Variants in MRGBP observed in about 807,000 individuals in gnomAD.
MRGBP encodes the protein MRG/MORF4L-binding protein.
Under a neutral mutation model 21.5 loss-of-function variants are expected in MRGBP, and 5 were observed. The observed-to-expected ratio is 0.23, with a 90% confidence interval of 0.12 to 0.49. The LOEUF (loss-of-function observed/expected upper bound fraction) is 0.49, where lower values mean the gene tolerates loss of function less well. Ranked by LOEUF, MRGBP falls within the 20% of genes least tolerant of loss-of-function variation. The pLI, the probability that MRGBP is intolerant of heterozygous loss-of-function variation, is 0.98. For synonymous variants in MRGBP, 118 were observed against 104.4 expected, an observed-to-expected ratio of 1.13 and a Z score of -0.79; for missense variants, 227 against 277.4, an observed-to-expected ratio of 0.82 and a Z score of 1.29.
intron 1 of MRGBP, 46 bp downstream of exon 1, chr20:62,796,717 C>CGGCGGGGCGG: frequency 8.1e-7 from 1 of 1,235,594 alleles, no homozygotes; most frequent in Non-Finnish European, 1.0e-6. Context: ...GGCGGGCAAC[C>CGGCGGGGCGG]GGCGGGGCGG....
At position 62,796,618 on chromosome 20, in the gene MRGBP, G is replaced by A. The variant is rs867300828; in HGVS notation, c.95G>A (p.Ser32Asn). Residue 32 changes from serine to asparagine, a missense_variant, in exon 1 of 5, where the codon AGC becomes AAC. Ser to Asn is a conservative substitution (Grantham distance 46). Transcript: ENST00000370487. ...CCGGCGGAGGAGACAGTGGTGTGGA[G>A]CCCCGAGGTGGAGGTGTGCCTCTTC... ...TSPAEETVVW[S>N]PEVEVCLFHA... The A allele has an allele frequency of 8.1e-5, 108 of 1,331,508 alleles. No homozygotes were observed. The highest frequency in any genetic ancestry group is 1.0e-4 in the Non-Finnish European group (107 of 1,037,870). The allele number at this position is 1,331,508 out of a possible 1,614,324, so 82.5% of individuals were successfully genotyped here.
chr20:62,798,514 C>G, intron 2 of MRGBP, 73 bp from the exon 3 acceptor site: 1 of 1,344,874 alleles, frequency 7.4e-7, no homozygotes, highest in South Asian at 1.2e-5. Context: ...GTGGCTCTTA[C>G]ACGGCTCTAG....
chr20:62,797,291 CTG>C lies in MRGBP; in HGVS notation c.270+61_270+62del, dbSNP rs1457048679. On this transcript the variant is annotated intron_variant, in intron 2 of 4. Coordinates refer to ENST00000370487, the MANE Select transcript of MRGBP (RefSeq NM_018270.6). Reference sequence around the variant, plus strand: ...GGGGCACGAACCCGCACACCGCTCTCTGAGAGTCAGCCTGAGCTGGGCAGAGG... The same window carrying C: ...GGGGCACGAACCCGCACACCGCTCTCAGAGTCAGCCTGAGCTGGGCAGAGG... 4.7e-6 allele frequency: 7 copies of C among 1,490,180 alleles called. No individual in the cohort carries two copies. In the South Asian group the frequency reaches 8.2e-5, roughly 17 times the overall value. 92.3% of individuals were successfully genotyped at this position (1,490,180 alleles called of 1,614,324 possible).
Position 62,797,235 on chromosome 20 carries a change from AGCCCAACC to A in MRGBP, c.270+9_270+16del. On this transcript the variant is annotated splice_donor_5th_base_variant and intron_variant, in intron 2 of 4. Coordinates refer to ENST00000370487, the MANE Select transcript of MRGBP (RefSeq NM_018270.6). The stretch of plus-strand genomic sequence containing the variant: ...CATGTACGACATGCAGGCGCTGGTG[AGCCCAACC>A]GCCCTCCCTGTGCCGCCCGATGGGG... The A allele has an allele frequency of 6.3e-7, 1 of 1,575,022 alleles. No individual in the cohort carries two copies. The highest frequency in any genetic ancestry group is 8.6e-7 in the Non-Finnish European group (1 of 1,161,094).
chr20:62,798,806 G>A, intron 3 of MRGBP, 138 bp downstream of exon 3: 1 of 1,574,830 alleles, frequency 6.3e-7, no homozygotes, highest in Non-Finnish European at 8.6e-7. Flanking sequence ...CTGTGCTTGG[G>A]TGGTCTTGGA....
chr20:62,799,098 C>G, intron 4 of MRGBP, 49 bp downstream of exon 4: 1 of 1,558,810 alleles, frequency 6.4e-7, no homozygotes, highest in Non-Finnish European at 8.7e-7. Flanking sequence ...GCTCAGCACC[C>G]CAAGACTGCC....
At chr20:62,798,311 G>A (rs1356096421) in intron 2 of MRGBP, among the ~76,000 whole-genome samples, 1 of 152,192 alleles carries the variant, frequency 6.6e-6, no homozygotes. Flanking sequence ...CTCAGGGCCC[G>A]CCTTAGTGAT....
chr20:62,799,110 T>G, intron 4 of MRGBP, 61 bp downstream of exon 4: 1 of 1,529,582 alleles, frequency 6.5e-7, no homozygotes, highest in Non-Finnish European at 8.9e-7. Context: ...AAGACTGCCT[T>G]CAGGCAGGGC....
At chr20:62,798,334 G>T (rs1369807171) in intron 2 of MRGBP, among the ~76,000 whole-genome samples, 2 of 152,184 alleles carry the variant, frequency 1.3e-5, no homozygotes, top group African/African-American at 2.4e-5. Flanking sequence ...TGGCCCCGGT[G>T]GGTCTTCCTG....
intron 4 of MRGBP, 26 bp from the exon 5 acceptor site, chr20:62,799,430 C>T (rs757311002): frequency 1.3e-6 from 2 of 1,599,862 alleles, no homozygotes; most frequent in East Asian, 2.2e-5. Context: ...ATTCTGTTTT[C>T]AGCCAAGTGA....
At chr20:62,797,666 C>T (rs1259628283) in intron 2 of MRGBP, among the ~76,000 whole-genome samples, 4 of 152,190 alleles carry the variant, frequency 2.6e-5, no homozygotes, top group Admixed American at 6.5e-5. Context: ...CCTGGGAGGC[C>T]CCCGAAGTGC....
At chr20:62,798,942 G>T in intron 3 of MRGBP, 33 bp from the exon 4 acceptor site, 1 of 1,613,112 alleles carries the variant, frequency 6.2e-7, no homozygotes, top group South Asian at 1.1e-5. Flanking sequence ...ACCACCGTGG[G>T]TTTTCGGTGA....
At position 62,798,539 on chromosome 20, in the gene MRGBP, T is replaced by C. The variant is rs748897215; in HGVS notation, c.271-48T>C. The C allele has an allele frequency of 3.1e-5, 48 of 1,525,638 alleles. No individual in the cohort carries two copies. In the African/African-American group the frequency reaches 6.2e-4, roughly 20 times the overall value. 94.5% of individuals were successfully genotyped at this position (1,525,638 alleles called of 1,614,324 possible). A position where few individuals can be genotyped will look rare whatever the true frequency, so the allele number is the denominator to read the frequency against. ...CACGGCTCTAGTGACTTCTTGAAAC[T>C]GCATCTTCACCCTTGTTTCTTAAAC... is the stretch of plus-strand genomic sequence containing the variant. On this transcript the variant is annotated intron_variant, in intron 2 of 4. Coordinates refer to ENST00000370487, the MANE Select transcript of MRGBP (RefSeq NM_018270.6).
intron 2 of MRGBP, 50 bp downstream of exon 2, chr20:62,797,281 A>G (rs755656352): frequency 2.0e-6 from 3 of 1,499,578 alleles, no homozygotes; most frequent in South Asian, 1.3e-5. Context: ...ACGAACCCGC[A>G]CACCGCTCTC....
Position 62,796,622 on chromosome 20 carries a change from C to T in MRGBP, c.99C>T (p.Pro33=). The change falls in exon 1 of 5, where the codon CCC becomes CCT. Residue 33 remains proline, a synonymous_variant. Coordinates refer to ENST00000370487, the MANE Select transcript of MRGBP (RefSeq NM_018270.6). ...CGGAGGAGACAGTGGTGTGGAGCCCCGAGGTGGAGGTGTGCCTCTTCCACG... is the reference window on the plus strand; with the variant it reads ...CGGAGGAGACAGTGGTGTGGAGCCCTGAGGTGGAGGTGTGCCTCTTCCACG... ...SPAEETVVWS[P]EVEVCLFHAM... is the part of the protein sequence containing the mutation. 7.5e-7 allele frequency: 1 copy of T among 1,332,068 alleles called. No homozygotes were observed. Among genetic ancestry groups the T allele is most frequent in the Admixed American group, 3.6e-5 (1 of 28,024 alleles). 82.5% of individuals were successfully genotyped at this position (1,332,068 alleles called of 1,614,324 possible). A position where few individuals can be genotyped will look rare whatever the true frequency, so the allele number is the denominator to read the frequency against.
At chr20:62,797,846 C>G (rs1194636100) in intron 2 of MRGBP, among the ~76,000 whole-genome samples, 1 of 152,116 alleles carries the variant, frequency 6.6e-6, no homozygotes, top group Non-Finnish European at 1.5e-5. Flanking sequence ...GGTGGGTGTT[C>G]CAGGCCCTGT....
chr20:62,796,717 C>T (rs1232291018), intron 1 of MRGBP, 46 bp downstream of exon 1: 5 of 1,235,506 alleles, frequency 4.0e-6, no homozygotes, highest in African/African-American at 3.2e-5. Context: ...GGCGGGCAAC[C>T]GGCGGGGCGG....
intron 1 of MRGBP, 33 bp downstream of exon 1, chr20:62,796,704 CG>C: frequency 8.0e-7 from 1 of 1,253,774 alleles, no homozygotes; most frequent in Non-Finnish European, 1.0e-6. Context: ...CGCGTGGGGG[CG>C]GGGCGGGCAA....
At position 62,800,762 on chromosome 20, in the gene MRGBP, G is replaced by C. The variant is rs1178170476; in HGVS notation, c.*1119G>C. The C allele has an allele frequency of 6.6e-6, 1 of 152,210 alleles. No individual in the cohort carries two copies. Among genetic ancestry groups the C allele is most frequent in the African/African-American group, 2.4e-5 (1 of 41,454 alleles). 9.4% of individuals were successfully genotyped at this position (152,210 alleles called of 1,614,324 possible). A position where few individuals can be genotyped will look rare whatever the true frequency, so the allele number is the denominator to read the frequency against. The stretch of plus-strand genomic sequence containing the variant: ...ACAGATTCTGAGTGGTTATTTTGTG[G>C]ACTGTGACAAGCACTTCAAATACAA... On this transcript the variant is annotated 3_prime_UTR_variant, in exon 5 of 5. Coordinates refer to ENST00000370487, the MANE Select transcript of MRGBP (RefSeq NM_018270.6).
Sources: allele counts gnomAD v4.1 joint callset (sites outside exome capture counted in the v4.1 genomes callset), GRCh38; gene constraint gnomAD v4.1.1; transcripts MANE v1.5; gene names NCBI Gene and HGNC (gene_info 2026-07-23, HGNC 2026-07-21).